The following PLG variants were observed in gnomAD, a reference collection of about 807,000 sequenced individuals.
PLG encodes plasminogen.
Under a neutral mutation model 104.4 loss-of-function variants are expected in PLG, and 41 were observed. The ratio of observed to expected loss-of-function variants is 0.39; its 90% CI spans 0.31 to 0.51. The LOEUF (loss-of-function observed/expected upper bound fraction) is 0.51. PLG is among the 20% of genes least tolerant of loss of function. PLG has a pLI of 0.76. For missense variants in PLG, 891 were observed against 1,003.6 expected, an observed-to-expected ratio of 0.89 and a Z score of 1.52; for synonymous variants, 337 against 357.1, an observed-to-expected ratio of 0.94 and a Z score of 0.63.
At chr6:160,714,359 C>T (rs1329701684) in intron 5 of PLG, among the ~76,000 whole-genome samples, 1 of 152,058 alleles carries the variant, frequency 6.6e-6, no homozygotes, top group Non-Finnish European at 1.5e-5. Flanking sequence ...CAGCAGTCAG[C>T]GGAATGATCA....
chr6:160,741,137 A>G lies in PLG; in HGVS notation c.2019-174A>G, dbSNP rs1017190332. 3.9e-5 allele frequency among the ~76,000 whole-genome samples: 6 copies of G among 152,196 alleles called. No homozygotes were observed. Among genetic ancestry groups the G allele is most frequent in the African/African-American group, 1.4e-4 (6 of 41,444 alleles). ...AACCTTACATCTGCATAGTCCATAGACAACCACAGGCAAATGTGAGGGTGA... is the reference window on the plus strand; with the variant it reads ...AACCTTACATCTGCATAGTCCATAGGCAACCACAGGCAAATGTGAGGGTGA... On this transcript the variant is annotated intron_variant, in intron 16 of 18. Coordinates refer to ENST00000308192, the MANE Select transcript of PLG (RefSeq NM_000301.5). The surrounding 1 kb of genome is among the most constrained non-coding windows in gnomAD (Gnocchi z 4.7).
At chr6:160,722,623 A>C (rs1777854905) in intron 10 of PLG, 56 bp downstream of exon 10, 1 of 1,519,380 alleles carries the variant, frequency 6.6e-7, no homozygotes, top group Non-Finnish European at 9.1e-7. Flanking sequence ...ATTTCTGTTA[A>C]AAGAGCCATG....
intron 8 of PLG, 90 bp from the exon 9 acceptor site, chr6:160,718,603 C>T (rs551502525): frequency 2.8e-6 from 4 of 1,440,398 alleles, no homozygotes; most frequent in East Asian, 4.5e-5. Context: ...AACTTTAGCA[C>T]GTTTTTTCCC....
chr6:160,749,486 C>G (rs1778359377), intron 17 of PLG, among the ~76,000 whole-genome samples: 1 of 29,650 alleles, frequency 3.4e-5, no homozygotes, highest in African/African-American at 1.1e-4. Context: ...CTATCATCAC[C>G]ACCACCACCA....
rs1394321879 is a variant in PLG, at chr6:160,738,532, T to C, written c.1803-6T>C. 6.3e-7 allele frequency: 1 copy of C among 1,586,774 alleles called. No individual in the cohort carries two copies. The highest frequency in any genetic ancestry group is 1.1e-5 in the South Asian group (1 of 90,518). ...AACTAAAATTTGAACTAAATCCTCTTTCCAGGTTTGGAATGCACTTCTGTG... is the reference window on the plus strand; with the variant it reads ...AACTAAAATTTGAACTAAATCCTCTCTCCAGGTTTGGAATGCACTTCTGTG... On this transcript the variant is annotated splice_polypyrimidine_tract_variant and splice_region_variant and intron_variant, in intron 14 of 18. Coordinates refer to ENST00000308192, the MANE Select transcript of PLG (RefSeq NM_000301.5). This position sits in a 1 kb window ranked among gnomAD's most constrained non-coding sequence, Gnocchi z 6.8.
In PLG at chr6:160,738,432, T is replaced by A; in HGVS notation, c.1803-106T>A. 1.2e-6 allele frequency: 1 copy of A among 805,980 alleles called. No homozygotes were observed. The allele number at this position is 805,980 out of a possible 1,614,324, so 49.9% of individuals were successfully genotyped here. ...GGCTTGCAGTCCTTTCCTTTGGGAA[T>A]ATGAACATGGTCAAAATTAAGTGAA... On this transcript the variant is annotated intron_variant, in intron 14 of 18. Coordinates refer to ENST00000308192, the MANE Select transcript of PLG (RefSeq NM_000301.5). This position sits in a 1 kb window ranked among gnomAD's most constrained non-coding sequence, Gnocchi z 6.8.
chr6:160,717,434 T>C (rs1777754582), intron 7 of PLG, among the ~76,000 whole-genome samples: 1 of 151,174 alleles, frequency 6.6e-6, no homozygotes, highest in South Asian at 2.1e-4. Flanking sequence ...TCCTCAGGCA[T>C]TCTCCCTTTT....
intron 2 of PLG, 47 bp downstream of exon 2, chr6:160,706,589 G>C: frequency 6.4e-7 from 1 of 1,566,838 alleles, no homozygotes. Context: ...TAATTCAGAT[G>C]GCAAGTAATT....
Position 160,726,424 on chromosome 6 carries a change from G to A in PLG, c.1256+3857G>A, listed in dbSNP as rs570274077. ...CATATCAAAGTTCGTATGATGCAGC[G>A]AATGTTTTTAGGGTTTTATAACTTT... On this transcript the variant is annotated intron_variant, in intron 10 of 18. Transcript: ENST00000308192. The surrounding 1 kb of genome is among the most constrained non-coding windows in gnomAD (Gnocchi z 4.4). Among the ~76,000 whole-genome samples the A allele has an allele frequency of 3.3e-5, 5 of 152,034 alleles. No individual in the cohort carries two copies. The highest frequency in any genetic ancestry group is 2.1e-4 in the South Asian group (1 of 4,834).
At chr6:160,714,745 C>T in intron 5 of PLG, 49 bp from the exon 6 acceptor site, 1 of 1,602,232 alleles carries the variant, frequency 6.2e-7, no homozygotes, top group Non-Finnish European at 8.6e-7. Context: ...TTGCTTCATC[C>T]ATTTCAGTTT....
At position 160,734,412 on chromosome 6, in the gene PLG, TC is replaced by T. The variant is rs1202927386; in HGVS notation, c.1681+325del. 6.6e-6 allele frequency among the ~76,000 whole-genome samples: 1 copy of T among 151,848 alleles called. No individual in the cohort carries two copies. Among genetic ancestry groups the T allele is most frequent in the Non-Finnish European group, 1.5e-5 (1 of 67,966 alleles). On this transcript the variant is annotated intron_variant, in intron 13 of 18. Coordinates refer to ENST00000308192, the MANE Select transcript of PLG (RefSeq NM_000301.5). This position sits in a 1 kb window ranked among gnomAD's most constrained non-coding sequence, Gnocchi z 4.4. ...CGTGGGATGCATGAAAAATTTAGAG[TC>T]ATTCGGATGAAAAACTTTCCCTTTC...
chr6:160,711,297 C>T, intron 4 of PLG, 106 bp downstream of exon 4: 5 of 1,021,076 alleles, frequency 4.9e-6, no homozygotes, highest in Non-Finnish European at 7.4e-6. Flanking sequence ...ATCCATGCTT[C>T]TCAAGTCCCT....
intron 1 of PLG, among the ~76,000 whole-genome samples, chr6:160,704,387 T>C (rs9458010): frequency 0.38 from 57,544 of 152,112 alleles, 11,457 homozygotes; most frequent in Non-Finnish European, 0.44. Context: ...GGGAAATAAA[T>C]GGAAGTTTTC....
rs1021107143 is a variant in PLG, at chr6:160,737,122, T to C, written c.1802+115T>C. The C allele has an allele frequency of 1.5e-6, 2 of 1,321,618 alleles. No homozygotes were observed. The highest frequency in any genetic ancestry group is 3.0e-5 in the African/African-American group (2 of 67,380). 81.9% of individuals were successfully genotyped at this position (1,321,618 alleles called of 1,614,324 possible). A position where few individuals can be genotyped will look rare whatever the true frequency, so the allele number is the denominator to read the frequency against. On this transcript the variant is annotated intron_variant, in intron 14 of 18. Transcript: ENST00000308192. This position sits in a 1 kb window ranked among gnomAD's most constrained non-coding sequence, Gnocchi z 4.7. The stretch of plus-strand genomic sequence containing the variant: ...GGCATCAGCACCTGCCTCTAAGTTT[T>C]CTGAAGGAGGAAAAAAGCTACAAAA...
chr6:160,738,972 C>G lies in PLG; in HGVS notation c.1878-96C>G. 1 of 1,451,836 alleles carries G rather than the reference C, an allele frequency of 6.9e-7. No individual in the cohort carries two copies. Among genetic ancestry groups the G allele is most frequent in the East Asian group, 2.3e-5 (1 of 43,974 alleles). The allele number at this position is 1,451,836 out of a possible 1,614,324, so 89.9% of individuals were successfully genotyped here. A position where few individuals can be genotyped will look rare whatever the true frequency, so the allele number is the denominator to read the frequency against. ...CTCAGAAGTCACTAATTCTGAGTGG[C>G]CAAGGGTGTCAGGGAGACAGCACCA... On this transcript the variant is annotated intron_variant, in intron 15 of 18. Coordinates refer to ENST00000308192, the MANE Select transcript of PLG (RefSeq NM_000301.5). The surrounding 1 kb of genome is among the most constrained non-coding windows in gnomAD (Gnocchi z 6.8).
In PLG at chr6:160,723,889, A is replaced by T. The variant is rs1777883967; in HGVS notation, c.1256+1322A>T. On this transcript the variant is annotated intron_variant, in intron 10 of 18. Transcript: ENST00000308192. The surrounding 1 kb of genome is among the most constrained non-coding windows in gnomAD (Gnocchi z 4.7). ...CCACATAAAGCCAAACTTTGGGAGTAGGATTAGTGTATTCCTATAATAAAG... is the reference window on the plus strand; with the variant it reads ...CCACATAAAGCCAAACTTTGGGAGTTGGATTAGTGTATTCCTATAATAAAG... Among the ~76,000 whole-genome samples the T allele has an allele frequency of 6.6e-6, 1 of 152,176 alleles. No homozygotes were observed. The highest frequency in any genetic ancestry group is 1.5e-5 in the Non-Finnish European group (1 of 68,038).
intron 9 of PLG, 49 bp from the exon 10 acceptor site, chr6:160,722,359 C>A: frequency 6.9e-7 from 1 of 1,444,962 alleles, no homozygotes; most frequent in Non-Finnish European, 9.7e-7. Flanking sequence ...CTTCATGCTT[C>A]TTTTTTTTCA....
At chr6:160,718,948 G>T in intron 9 of PLG, 110 bp downstream of exon 9, 7 of 985,468 alleles carry the variant, frequency 7.1e-6, no homozygotes, top group Non-Finnish European at 9.7e-6. Context: ...TGCTATTGTG[G>T]TCAGAAAGCC....
intron 2 of PLG, 33 bp downstream of exon 2, chr6:160,706,575 T>C: frequency 6.3e-7 from 1 of 1,599,332 alleles, no homozygotes; most frequent in East Asian, 2.2e-5. Flanking sequence ...TACGCAGGAA[T>C]CTGTAATTCA....
Sources: gnomAD v4.1 joint callset for allele counts (sites outside exome capture counted in the v4.1 genomes callset) on GRCh38, gnomAD v4.1.1 for gene constraint, Gnocchi (gnomAD v3.1) non-coding constraint, MANE v1.5 for transcripts, NCBI Gene and HGNC (gene_info 2026-07-23, HGNC 2026-07-21) for gene names.